The following RIMS1 variants were observed in gnomAD, a reference collection of about 807,000 sequenced individuals.
RIMS1 encodes regulating synaptic membrane exocytosis 1.
Under a neutral mutation model 214.1 loss-of-function variants are expected in RIMS1, and 83 were observed. The ratio of observed to expected loss-of-function variants is 0.39; its 90% CI spans 0.32 to 0.47. RIMS1 has a LOEUF of 0.47. Ranked by LOEUF, RIMS1 falls within the 20% of genes least tolerant of loss-of-function variation. The pLI is 0.99. For missense variants in RIMS1, 2,050 were observed against 2,161.8 expected, an observed-to-expected ratio of 0.95 and a Z score of 1.03; for synonymous variants, 793 against 786.8, an observed-to-expected ratio of 1.01 and a Z score of -0.13.
At chr6:72,265,230 G>A (rs529317192) in intron 20 of RIMS1, among the ~76,000 whole-genome samples, 160 bp from the exon 21 acceptor site, 17 of 152,030 alleles carry the variant, frequency 1.1e-4, no homozygotes, top group South Asian at 2.1e-4. Context: ...ATCTAAAATC[G>A]TTTTAACTAT....
In RIMS1 at chr6:72,028,323, A is replaced by ATTTTTTTTTCCC. The variant is rs1371177361; in HGVS notation, c.245+59260_245+59261insTTTTTTTTTCCC. On this transcript the variant is annotated intron_variant, in intron 2 of 33. Transcript: ENST00000521978. ...GTTTGTTAAACTAGTAAATATATAGACCTAAGAAGTCTATGTAATTATTTG... is the reference window on the plus strand; with the variant it reads ...GTTTGTTAAACTAGTAAATATATAGATTTTTTTTTCCCCCTAAGAAGTCTATGTAATTATTTG... 6.7e-3 allele frequency among the ~76,000 whole-genome samples: 1,027 copies of ATTTTTTTTTCCC among 152,276 alleles called. 8 individuals are homozygous for ATTTTTTTTTCCC. Among genetic ancestry groups the ATTTTTTTTTCCC allele is most frequent in the African/African-American group, 0.023 (968 of 41,554 alleles).
chr6:72,261,234 A>T, intron 19 of RIMS1: 1 of 1,007,560 alleles, frequency 9.9e-7, no homozygotes, highest in South Asian at 4.2e-5. Context: ...TTTGCTTTTG[A>T]TAAAATCTTT....
intron 29 of RIMS1, among the ~76,000 whole-genome samples, chr6:72,335,895 A>G (rs72933557): frequency 2.1e-3 from 317 of 151,770 alleles, no homozygotes; most frequent in Non-Finnish European, 3.9e-3. Context: ...GTTTGTTCAT[A>G]TTCTTTGCCC....
intron 1 of RIMS1, among the ~76,000 whole-genome samples, chr6:71,965,490 G>A (rs1794179289): frequency 6.6e-6 from 1 of 152,150 alleles, no homozygotes. Context: ...TCATCTGCAG[G>A]CTTGTGGCAA....
chr6:72,363,684 AT>A (rs1185328811), intron 29 of RIMS1, among the ~76,000 whole-genome samples: 1 of 152,192 alleles, frequency 6.6e-6, no homozygotes, highest in Non-Finnish European at 1.5e-5. Flanking sequence ...AGCATACCTC[AT>A]TGACTGCTTT....
intron 12 of RIMS1, 91 bp downstream of exon 12, chr6:72,248,218 T>C: frequency 1.4e-6 from 1 of 702,194 alleles, no homozygotes; most frequent in Admixed American, 2.5e-5. Context: ...CCTTGAAGCC[T>C]GCAATAAATA....
At chr6:72,012,111 A>G (rs989356375) in intron 2 of RIMS1, among the ~76,000 whole-genome samples, 5 of 152,248 alleles carry the variant, frequency 3.3e-5, no homozygotes, top group Admixed American at 6.5e-5. Flanking sequence ...CTGCATAAAG[A>G]AAATGTGGCA....
At chr6:71,953,840 T>C (rs1239333389) in intron 1 of RIMS1, among the ~76,000 whole-genome samples, 1 of 152,160 alleles carries the variant, frequency 6.6e-6, no homozygotes, top group Non-Finnish European at 1.5e-5. Context: ...ACAGCTCTAA[T>C]AAGGATGCGA....
intron 28 of RIMS1, chr6:72,316,653 A>G (rs2154301360): frequency 5.6e-6 from 3 of 531,940 alleles, no homozygotes; most frequent in South Asian, 3.3e-5. Flanking sequence ...GGTCCCAAGC[A>G]TGGCTGACCC....
chr6:71,893,034 A>T (rs1028942360), intron 1 of RIMS1, among the ~76,000 whole-genome samples: 1 of 152,236 alleles, frequency 6.6e-6, no homozygotes, highest in African/African-American at 2.4e-5. Context: ...TTAAAATGAT[A>T]GTGGAGTCAT....
chr6:71,894,746 A>G (rs1261942137), intron 1 of RIMS1, among the ~76,000 whole-genome samples: 1 of 152,194 alleles, frequency 6.6e-6, no homozygotes, highest in Non-Finnish European at 1.5e-5. Context: ...AAGTAATTGC[A>G]TGTTATTTGT....
At chr6:72,332,950 G>A (rs969484989) in intron 28 of RIMS1, among the ~76,000 whole-genome samples, 1 of 151,820 alleles carries the variant, frequency 6.6e-6, no homozygotes, top group Non-Finnish European at 1.5e-5. Flanking sequence ...CGAGTGTGAG[G>A]CACTGAAAGA....
intron 4 of RIMS1, among the ~76,000 whole-genome samples, chr6:72,113,950 C>T (rs1035096228): frequency 1.3e-5 from 2 of 152,022 alleles, no homozygotes; most frequent in Admixed American, 6.6e-5. Flanking sequence ...ATAATGTAAC[C>T]TGTAGTATAT....
chr6:72,075,274 A>C (rs1290368563), intron 2 of RIMS1, among the ~76,000 whole-genome samples: 1 of 151,968 alleles, frequency 6.6e-6, no homozygotes, highest in Non-Finnish European at 1.5e-5. Context: ...AAAACAAAAC[A>C]AACAAAAAAA....
intron 26 of RIMS1, among the ~76,000 whole-genome samples, chr6:72,296,895 C>T (rs954955467): frequency 7.2e-5 from 11 of 151,762 alleles, no homozygotes; most frequent in African/African-American, 2.4e-4. Flanking sequence ...AGACTACAAA[C>T]CCAGATCTTT....
intron 29 of RIMS1, among the ~76,000 whole-genome samples, chr6:72,372,043 C>T (rs1302771318): frequency 6.6e-6 from 1 of 152,132 alleles, no homozygotes; most frequent in Non-Finnish European, 1.5e-5. Context: ...ATAAAGGCAG[C>T]AATCTTAAAG....
chr6:72,155,216 G>A (rs2044278892), intron 4 of RIMS1, among the ~76,000 whole-genome samples: 1 of 140,426 alleles, frequency 7.1e-6, no homozygotes, highest in Non-Finnish European at 1.6e-5. Context: ...TTGTCTTGGG[G>A]ATTAATCCTT....
chr6:72,163,230 C>G (rs1348596972), intron 4 of RIMS1, among the ~76,000 whole-genome samples: 1 of 140,386 alleles, frequency 7.1e-6, no homozygotes, highest in Admixed American at 7.3e-5. Flanking sequence ...TGGTTTTCAG[C>G]TCCATCAGGT....
At chr6:71,955,175 T>C (rs1213322976) in intron 1 of RIMS1, among the ~76,000 whole-genome samples, 1 of 152,084 alleles carries the variant, frequency 6.6e-6, no homozygotes, top group Non-Finnish European at 1.5e-5. Flanking sequence ...TATGGACATT[T>C]TTTTTTTGTG....
Sources: gnomAD v4.1 joint callset for allele counts (sites outside exome capture counted in the v4.1 genomes callset) on GRCh38, gnomAD v4.1.1 for gene constraint, MANE v1.5 for transcripts, NCBI Gene and HGNC (gene_info 2026-07-23, HGNC 2026-07-21) for gene names.